Variants in STK40 observed in about 807,000 individuals in gnomAD.
STK40 encodes serine/threonine kinase 40, also known as serine/threonine-protein kinase 40.
STK40 carries 13 observed loss-of-function variants against 47.9 expected under a neutral mutation model. That is an observed-to-expected ratio of 0.27 (90% CI 0.18 to 0.43). The LOEUF (loss-of-function observed/expected upper bound fraction) is 0.43, where lower values mean the gene tolerates loss of function less well. STK40 is among the 20% of genes least tolerant of loss of function. STK40 has a pLI of 1.00. For synonymous variants in STK40, 225 were observed against 243.2 expected (o/e 0.93, Z 0.69); for missense variants, 460 against 595.1 (o/e 0.77, Z 2.36).
rs142481178 is a variant in STK40, at chr1:36,358,758, C to T, written c.177G>A (p.Thr59=). 214 of 1,614,160 alleles carry T rather than the reference C, an allele frequency of 1.3e-4. No homozygotes were observed. The African/African-American group carries it at 2.2e-3, about 17-fold the overall frequency. ...IVQCLARKDG[T]DDFYQLKILT... ...TTACCTTCAGCTGATAGAAGTCATC[C>T]GTGCCATCTTTCCTCGCCAAACACT... is the stretch of plus-strand genomic sequence containing the variant. The change falls in exon 3 of 11, where the codon ACG becomes ACA. Residue 59 remains threonine (T), a synonymous_variant. Coordinates refer to ENST00000373132, the MANE Select transcript of STK40 (RefSeq NM_001282547.2).
At chr1:36,385,403 G>A (rs1414090637) in intron 1 of STK40, among the ~76,000 whole-genome samples, 1 of 152,218 alleles carries the variant, frequency 6.6e-6, no homozygotes, top group Non-Finnish European at 1.5e-5. Context: ...TTTTTGGAAA[G>A]ATCTGGCTGG....
chr1:36,349,541 C>T (rs1490562424), intron 6 of STK40, among the ~76,000 whole-genome samples: 1 of 152,162 alleles, frequency 6.6e-6, no homozygotes, highest in African/African-American at 2.4e-5. Context: ...CCAGATGTGT[C>T]CCTGGGCAGG....
At position 36,344,016 on chromosome 1, in the gene STK40, G is replaced by A. The variant is rs781485452; in HGVS notation, c.885-37C>T. ...AGTTGGGGAGGAGGGCTCAGTGGGT[G>A]GTGCTGGGTCTGTGGCCAGGATGCC... On this transcript the variant is annotated intron_variant, in intron 8 of 10. Coordinates refer to ENST00000373132, the MANE Select transcript of STK40 (RefSeq NM_001282547.2). The A allele has an allele frequency of 2.5e-6, 4 of 1,594,432 alleles. No individual in the cohort carries two copies. The African/African-American group carries it at 5.4e-5, about 21-fold the overall frequency.
At chr1:36,356,875 T>C (rs996692109) in intron 4 of STK40, among the ~76,000 whole-genome samples, 3 of 152,118 alleles carry the variant, frequency 2.0e-5, no homozygotes. Context: ...TCTGAAGATA[T>C]CACAGACAAA....
chr1:36,341,836 C>G lies in STK40; in HGVS notation c.1227G>C (p.Pro409=). The G allele has an allele frequency of 6.2e-7, 1 of 1,613,672 alleles. No individual in the cohort carries two copies. The highest frequency in any genetic ancestry group is 8.5e-7 in the Non-Finnish European group (1 of 1,179,976). ...VPKRQFGSAP[P]VRRLGHDAQP... ...GTGCGTCGTGGCCCAGCCGTCGCACCGGTGGTGCGCTGCCGAACTGCCGCT... is the reference window on the plus strand; with the variant it reads ...GTGCGTCGTGGCCCAGCCGTCGCACGGGTGGTGCGCTGCCGAACTGCCGCT... Residue 409 remains proline (P), a synonymous_variant, in exon 11 of 11, where the codon CCG becomes CCC. Coordinates refer to ENST00000373132, the MANE Select transcript of STK40 (RefSeq NM_001282547.2).
intron 4 of STK40, among the ~76,000 whole-genome samples, chr1:36,357,959 C>T (rs755531051): frequency 3.9e-5 from 6 of 152,158 alleles, no homozygotes; most frequent in Non-Finnish European, 5.9e-5. Flanking sequence ...CCTCTTTTCT[C>T]GGAAAAGTGG....
At chr1:36,356,222 T>G (rs968287116) in intron 4 of STK40, among the ~76,000 whole-genome samples, 1 of 152,084 alleles carries the variant, frequency 6.6e-6, no homozygotes, top group Non-Finnish European at 1.5e-5. Flanking sequence ...CTGCCACCAA[T>G]GTTGTGGCTG....
chr1:36,385,503 G>A (rs912992937), intron 1 of STK40, among the ~76,000 whole-genome samples: 5 of 152,216 alleles, frequency 3.3e-5, no homozygotes, highest in Admixed American at 2.6e-4. Context: ...GGGGACTGAA[G>A]CTCCCGCGGC....
At chr1:36,367,791 C>T (rs184076081) in intron 1 of STK40, 1 of 986,024 alleles carries the variant, frequency 1.0e-6, no homozygotes, top group East Asian at 1.1e-4. Context: ...CCCCACTCTA[C>T]ACTGAGAAGC....
intron 7 of STK40, among the ~76,000 whole-genome samples, chr1:36,344,571 C>T (rs1338743404): frequency 6.6e-6 from 1 of 152,236 alleles, no homozygotes; most frequent in African/African-American, 2.4e-5. Context: ...AGCAGGGGGT[C>T]AAGAACACTG....
intron 5 of STK40, 77 bp downstream of exon 5, chr1:36,355,129 A>C: frequency 6.9e-7 from 1 of 1,453,564 alleles, no homozygotes; most frequent in Non-Finnish European, 9.6e-7. Context: ...CACAGGACAG[A>C]GCTGCCTTCT....
At chr1:36,357,647 C>T (rs930801590) in intron 4 of STK40, among the ~76,000 whole-genome samples, 5 of 152,276 alleles carry the variant, frequency 3.3e-5, no homozygotes, top group South Asian at 2.1e-4. Flanking sequence ...GATGGAGTCT[C>T]GCTCTGTCAC....
intron 1 of STK40, among the ~76,000 whole-genome samples, chr1:36,368,699 T>A (rs968814638): frequency 5.3e-5 from 8 of 152,122 alleles, no homozygotes; most frequent in Admixed American, 6.5e-5. Context: ...GATTCTAGAT[T>A]AAAGGAGACT....
At chr1:36,354,816 A>G (rs1445426913) in intron 5 of STK40, among the ~76,000 whole-genome samples, 1 of 152,206 alleles carries the variant, frequency 6.6e-6, no homozygotes, top group African/African-American at 2.4e-5. Flanking sequence ...CACACCGGGA[A>G]GAGGCTCAGG....
Position 36,348,468 on chromosome 1 carries a change from C to T in STK40, c.739+232G>A, listed in dbSNP as rs902255705. 4.6e-5 allele frequency among the ~76,000 whole-genome samples: 7 copies of T among 152,324 alleles called. No homozygotes were observed. In the South Asian group the frequency reaches 1.2e-3, roughly 27 times the overall value. Reference sequence around the variant, plus strand: ...CCCTTCATCCACTCTCACAGCAATCCCGTTCCTCCCTAGCACTAACCTCAG... The same window carrying T: ...CCCTTCATCCACTCTCACAGCAATCTCGTTCCTCCCTAGCACTAACCTCAG... On this transcript the variant is annotated intron_variant, in intron 7 of 10. Coordinates refer to ENST00000373132, the MANE Select transcript of STK40 (RefSeq NM_001282547.2).
chr1:36,349,041 CG>C (rs1366810375), intron 6 of STK40, among the ~76,000 whole-genome samples: 3 of 152,234 alleles, frequency 2.0e-5, no homozygotes, highest in African/African-American at 7.2e-5. Context: ...CAGCAGGGAT[CG>C]GCTTCTCTCC....
Position 36,358,971 on chromosome 1 carries a change from G to A in STK40, c.113-149C>T. ...TGACCCTCCAAGGTCTCCTGGTGGA[G>A]AGTTTTCAAGGTCTCCCCTCCAAAA... On this transcript the variant is annotated intron_variant, in intron 2 of 10. Transcript: ENST00000373132. 6.7e-6 allele frequency: 5 copies of A among 745,942 alleles called. No individual in the cohort carries two copies. In the South Asian group the frequency reaches 9.1e-5, roughly 14 times the overall value. The allele number at this position is 745,942 out of a possible 1,614,324, so 46.2% of individuals were successfully genotyped here.
chr1:36,354,330 G>A lies in STK40; in HGVS notation c.623+34C>T, dbSNP rs750329729. On this transcript the variant is annotated intron_variant, in intron 6 of 10. Transcript: ENST00000373132. ...AATGTGTAGCCTGCCCCAGCCCCGG[G>A]GTAACTGTATGGATGTAGAGACAGG... The A allele has an allele frequency of 3.8e-5, 62 of 1,612,628 alleles. 1 individual carries two copies. Among genetic ancestry groups the A allele is most frequent in the Non-Finnish European group, 4.8e-5 (57 of 1,178,934 alleles).
At chr1:36,384,826 TAC>T (rs1312283914) in intron 1 of STK40, among the ~76,000 whole-genome samples, 1 of 152,210 alleles carries the variant, frequency 6.6e-6, no homozygotes, top group African/African-American at 2.4e-5. Context: ...GCCCTACAAT[TAC>T]ACATTCTGCT....
Sources: allele counts gnomAD v4.1 joint callset (sites outside exome capture counted in the v4.1 genomes callset), GRCh38; gene constraint gnomAD v4.1.1; transcripts MANE v1.5; gene names NCBI Gene and HGNC (gene_info 2026-07-23, HGNC 2026-07-21).